COL6A6: variants seen among roughly 807,000 people sequenced by gnomAD.
The protein encoded by COL6A6 is collagen alpha-6(VI) chain.
A neutral mutation model predicts 208.6 loss-of-function variants in COL6A6; 183 were observed. The observed-to-expected ratio is 0.88, with a 90% CI of 0.78 to 0.99. The LOEUF is 0.99. Ranked by LOEUF, COL6A6 falls within the 50% of genes least tolerant of loss-of-function variation. The pLI is 0.00. For missense variants in COL6A6, 2,816 were observed against 2,815.2 expected, an observed-to-expected ratio of 1.00 and a Z score of -0.01; for synonymous variants, 973 against 1,011.8, an observed-to-expected ratio of 0.96 and a Z score of 0.73.
At chr3:130,582,941 TC>T (rs1478473779) in intron 10 of COL6A6, among the ~76,000 whole-genome samples, 1 of 152,178 alleles carries the variant, frequency 6.6e-6, no homozygotes, top group African/African-American at 2.4e-5. Flanking sequence ...CTCCAGAGCT[TC>T]CTGGGATCAG....
intron 27 of COL6A6, 65 bp downstream of exon 27, chr3:130,634,690 C>T (rs1296146292): frequency 3.3e-6 from 4 of 1,197,684 alleles, no homozygotes. Flanking sequence ...TGAAATGTAT[C>T]CTAGGCCAGT....
chr3:130,600,164 T>C (rs1322619720), intron 20 of COL6A6, among the ~76,000 whole-genome samples: 1 of 152,208 alleles, frequency 6.6e-6, no homozygotes, highest in East Asian at 1.9e-4. Flanking sequence ...TTTGCCAAAT[T>C]GTATGACTAT....
At chr3:130,637,364 G>A (rs558353292) in intron 28 of COL6A6, among the ~76,000 whole-genome samples, 2 of 151,658 alleles carry the variant, frequency 1.3e-5, no homozygotes, top group East Asian at 3.9e-4. Flanking sequence ...ACAAGTTCAT[G>A]GTTGGATCCC....
rs867966363 is a variant in COL6A6 at position 130,595,795 on chromosome 3, C to T, written c.4533+1452C>T. On this transcript the variant is annotated intron_variant, in intron 18 of 36. Transcript: ENST00000358511. Reference sequence around the variant, plus strand: ...ATATGTCTTTTGATGCACTTTTTTACATATTTATATTGGGTCTATATTTTA... The same window carrying T: ...ATATGTCTTTTGATGCACTTTTTTATATATTTATATTGGGTCTATATTTTA... 3.3e-5 allele frequency among the ~76,000 whole-genome samples: 5 copies of T among 152,184 alleles called. No individual in the cohort carries two copies. The South Asian group carries it at 1.0e-3, about 32-fold the overall frequency.
intron 12 of COL6A6, among the ~76,000 whole-genome samples, chr3:130,590,728 C>T (rs918113005): frequency 1.4e-4 from 22 of 151,962 alleles, no homozygotes; most frequent in African/African-American, 4.3e-4. Flanking sequence ...CCACCACACC[C>T]GGCTAATTTT....
intron 1 of COL6A6, among the ~76,000 whole-genome samples, chr3:130,525,961 A>C (rs1343384075): frequency 2.0e-5 from 3 of 151,362 alleles, no homozygotes; most frequent in African/African-American, 7.3e-5. Flanking sequence ...ATATGTCATC[A>C]CAGTGTATAA....
At position 130,676,470 on chromosome 3, in the gene COL6A6, A is replaced by G. The variant is rs1195084841; in HGVS notation, c.*1073A>G. 1 of 152,202 alleles carries G rather than the reference A, an allele frequency of 6.6e-6. No homozygotes were observed. The highest frequency in any genetic ancestry group is 1.5e-5 in the Non-Finnish European group (1 of 68,034). The allele number at this position is 152,202 out of a possible 1,614,324, so 9.4% of individuals were successfully genotyped here. On this transcript the variant is annotated 3_prime_UTR_variant, in exon 37 of 37. Transcript: ENST00000358511. ...TTTTATGATAGGGCTGATATTTTCA[A>G]CAACGAAACACCCAATGTTCAGACC... is the stretch of plus-strand genomic sequence containing the variant.
intron 26 of COL6A6, among the ~76,000 whole-genome samples, chr3:130,627,677 T>C (rs1436440043): frequency 6.6e-6 from 1 of 152,222 alleles, no homozygotes; most frequent in Non-Finnish European, 1.5e-5. Flanking sequence ...GGCTCAAGTT[T>C]ACTCAGGGAA....
intron 1 of COL6A6, among the ~76,000 whole-genome samples, chr3:130,558,695 C>T (rs1163388198): frequency 6.6e-6 from 1 of 152,094 alleles, no homozygotes; most frequent in African/African-American, 2.4e-5. Context: ...TCTCTCATAA[C>T]TCCAAAAGAC....
chr3:130,652,023 T>C (rs2065659440), intron 33 of COL6A6, among the ~76,000 whole-genome samples: 1 of 152,216 alleles, frequency 6.6e-6, no homozygotes, highest in African/African-American at 2.4e-5. Flanking sequence ...TTTAAATTCT[T>C]CATAATGACC....
intron 1 of COL6A6, among the ~76,000 whole-genome samples, chr3:130,541,599 T>G (rs1051743200): frequency 6.6e-6 from 1 of 152,252 alleles, no homozygotes; most frequent in Non-Finnish European, 1.5e-5. Context: ...TTGTTCAAAC[T>G]CCTTGTCAGC....
chr3:130,624,557 G>T (rs1370215441), intron 24 of COL6A6, among the ~76,000 whole-genome samples: 1 of 152,176 alleles, frequency 6.6e-6, no homozygotes, highest in African/African-American at 2.4e-5. Context: ...CTGCCTTCTT[G>T]TCCCTGAAGA....
At chr3:130,660,286 GT>G (rs1298895503) in intron 34 of COL6A6, among the ~76,000 whole-genome samples, 1 of 152,202 alleles carries the variant, frequency 6.6e-6, no homozygotes, top group Admixed American at 6.5e-5. Flanking sequence ...ACAGGTGACT[GT>G]TTTATCATCT....
intron 28 of COL6A6, among the ~76,000 whole-genome samples, chr3:130,638,655 C>CTGAAAGGA (rs1312409433): frequency 6.6e-6 from 1 of 152,120 alleles, no homozygotes; most frequent in Non-Finnish European, 1.5e-5. Context: ...CAGCTAACAT[C>CTGAAAGGA]TGAAAGGATT....
chr3:130,660,727 C>T (rs1022374833), intron 34 of COL6A6, among the ~76,000 whole-genome samples: 7 of 152,316 alleles, frequency 4.6e-5, no homozygotes, highest in African/African-American at 1.4e-4. Flanking sequence ...GAGACCAGAA[C>T]CCAAGCATCC....
chr3:130,595,502 T>C (rs949070005), intron 18 of COL6A6, among the ~76,000 whole-genome samples: 1 of 152,196 alleles, frequency 6.6e-6, no homozygotes, highest in African/African-American at 2.4e-5. Context: ...AGGTAATCAC[T>C]ATCCTGTCAC....
At position 130,675,461 on chromosome 3, in the gene COL6A6, A is replaced by C; in HGVS notation, c.*64A>C. On this transcript the variant is annotated 3_prime_UTR_variant, in exon 37 of 37. Transcript: ENST00000358511. The stretch of plus-strand genomic sequence containing the variant: ...AGACTCTGGACTTAAATAGTAACTA[A>C]ATCTGCTGCCAGAACTCAAGCAACA... The C allele has an allele frequency of 1.6e-6, 2 of 1,233,896 alleles. No individual in the cohort carries two copies. Among genetic ancestry groups the C allele is most frequent in the Non-Finnish European group, 2.2e-6 (2 of 901,690 alleles). 76.4% of individuals were successfully genotyped at this position (1,233,896 alleles called of 1,614,324 possible).
intron 10 of COL6A6, among the ~76,000 whole-genome samples, chr3:130,583,845 T>C (rs1436181826): frequency 6.6e-6 from 1 of 152,198 alleles, no homozygotes; most frequent in Non-Finnish European, 1.5e-5. Context: ...TGGCTTCCCA[T>C]ACTTACACAG....
chr3:130,627,347 G>A lies in COL6A6; in HGVS notation c.4970G>A (p.Ser1657Asn), dbSNP rs757210140. ...AATGATGGCAGTCCAGGTTATGGTA[G>A]TGTCGGACGCAAGGGAGCAAAGGTA... ...QGNDGSPGYG[S>N]VGRKGAKGQE... The change falls in exon 26 of 37, where the codon AGT becomes AAT. Residue 1657 changes from serine (S) to asparagine (N), a missense_variant. Transcript: ENST00000358511. The A allele has an allele frequency of 6.2e-7, 1 of 1,613,798 alleles. No homozygotes were observed.
Sources: allele counts gnomAD v4.1 joint callset (sites outside exome capture counted in the v4.1 genomes callset), GRCh38; gene constraint gnomAD v4.1.1; transcripts MANE v1.5; gene names NCBI Gene and HGNC (gene_info 2026-07-23, HGNC 2026-07-21).